Variants in SLC17A1 observed in about 807,000 individuals in gnomAD.
The protein encoded by SLC17A1 is solute carrier family 17 member 1, also known as sodium-dependent phosphate transport protein 1.
A neutral mutation model predicts 53.5 loss-of-function variants in SLC17A1; 51 were observed. That is an observed-to-expected ratio of 0.95 (90% CI 0.76 to 1.20). The LOEUF (loss-of-function observed/expected upper bound fraction) is 1.20, where lower values mean the gene tolerates loss of function less well. SLC17A1 is among the 50% of genes most tolerant of loss of function. The pLI, the probability that SLC17A1 is intolerant of heterozygous loss-of-function variation, is 0.00. For synonymous variants in SLC17A1, 179 were observed against 198.8 expected (o/e 0.90, Z 0.84); for missense variants, 538 against 568.2 (o/e 0.95, Z 0.54).
chr6:25,784,756 T>C (rs556324840), intron 12 of SLC17A1, among the ~76,000 whole-genome samples: 1 of 152,180 alleles, frequency 6.6e-6, no homozygotes, highest in Admixed American at 6.5e-5. Flanking sequence ...TCTGAAACAG[T>C]TCAGGTTACA....
At chr6:25,763,163 T>C in the SLC17A1 span, among the ~76,000 whole-genome samples, 3,269 of 152,286 alleles carry the variant, frequency 0.021, 78 homozygotes, top group African/African-American at 0.058. Flanking sequence ...TTCTGGTTCC[T>C]TCTATAGTCT....
Position 25,811,788 on chromosome 6 carries a change from T to A in SLC17A1, c.898-18A>T. ...AACCCATTCTGAAGAGGAAACATTATTCTTGGAGTGAGTTTGATGGGTAAA... is the reference window on the plus strand; with the variant it reads ...AACCCATTCTGAAGAGGAAACATTAATCTTGGAGTGAGTTTGATGGGTAAA... On this transcript the variant is annotated intron_variant, in intron 8 of 12. Coordinates refer to ENST00000244527, the MANE Select transcript of SLC17A1 (RefSeq NM_005074.5). The A allele has an allele frequency of 6.2e-7, 1 of 1,613,320 alleles. No homozygotes were observed. The highest frequency in any genetic ancestry group is 1.1e-5 in the South Asian group (1 of 91,062).
intron 12 of SLC17A1, among the ~76,000 whole-genome samples, chr6:25,792,592 C>A (rs891144069): frequency 6.6e-6 from 1 of 152,180 alleles, no homozygotes; most frequent in Admixed American, 6.5e-5. Context: ...GAGCAGGAAC[C>A]TTTGCTATAA....
the SLC17A1 span, chr6:25,761,904 C>G: frequency 7.2e-7 from 1 of 1,393,592 alleles, no homozygotes; most frequent in Non-Finnish European, 1.0e-6. Context: ...CCTGTATTTT[C>G]TTTTGTATTC....
intron 2 of SLC17A1, among the ~76,000 whole-genome samples, chr6:25,830,173 T>A (rs973081311): frequency 6.6e-6 from 1 of 152,204 alleles, no homozygotes; most frequent in Admixed American, 6.5e-5. Context: ...TGTCCAAGAA[T>A]GCAGGGACTC....
the SLC17A1 span, among the ~76,000 whole-genome samples, chr6:25,748,513 G>A: frequency 1.3e-5 from 2 of 152,168 alleles, no homozygotes; most frequent in Admixed American, 1.3e-4. Context: ...CCACACCTGT[G>A]GGTATATCTC....
At chr6:25,791,529 A>T (rs1375899146) in intron 12 of SLC17A1, among the ~76,000 whole-genome samples, 2 of 152,232 alleles carry the variant, frequency 1.3e-5, no homozygotes, top group Admixed American at 6.5e-5. Flanking sequence ...ATTATTTTTT[A>T]AAAAACAATG....
rs1561840272 is a variant in SLC17A1 at position 25,819,527 on chromosome 6, A to G, written c.513T>C (p.Thr171=). The G allele has an allele frequency of 6.2e-7, 1 of 1,613,572 alleles. No homozygotes were observed. The highest frequency in any genetic ancestry group is 1.7e-4 in the Middle Eastern group (1 of 6,056). Reference sequence around the variant, plus strand: ...ATTCTTTACCTGATGTACTCATAGAAGTAAGTCGGCCTCGTTCCAGGGGAG... The same window carrying G: ...ATTCTTTACCTGATGTACTCATAGAGGTAAGTCGGCCTCGTTCCAGGGGAG... ...WAPPLERGRL[T]SMSTSGFLLG... Residue 171 remains threonine (T), a synonymous_variant, in exon 5 of 13, where the codon ACT becomes ACC. Transcript: ENST00000244527.
At chr6:25,769,677 A>G in the SLC17A1 span, among the ~76,000 whole-genome samples, 1 of 152,208 alleles carries the variant, frequency 6.6e-6, no homozygotes, top group Non-Finnish European at 1.5e-5. Context: ...GTTAGAATAA[A>G]TGAAACATTT....
At chr6:25,829,749 A>G (rs1764880127) in intron 2 of SLC17A1, among the ~76,000 whole-genome samples, 1 of 152,196 alleles carries the variant, frequency 6.6e-6, no homozygotes, top group African/African-American at 2.4e-5. Context: ...TAAAATGTGC[A>G]TCTGTAAATA....
At chr6:25,760,444 G>C in the SLC17A1 span, among the ~76,000 whole-genome samples, 1 of 151,982 alleles carries the variant, frequency 6.6e-6, no homozygotes, top group African/African-American at 2.4e-5. Flanking sequence ...ATATGTTTAG[G>C]TGTAAATTTC....
intron 12 of SLC17A1, among the ~76,000 whole-genome samples, chr6:25,783,843 C>G (rs1360896920): frequency 2.0e-5 from 3 of 150,208 alleles, no homozygotes; most frequent in African/African-American, 7.4e-5. Context: ...CTAGTCCTTT[C>G]AAAGAACAAT....
chr6:25,729,190 T>G, the SLC17A1 span, among the ~76,000 whole-genome samples: 2 of 152,354 alleles, frequency 1.3e-5, no homozygotes, highest in Non-Finnish European at 2.9e-5. Flanking sequence ...CAGACCAAAC[T>G]TCATGTAGCT....
At chr6:25,743,481 C>T in the SLC17A1 span, among the ~76,000 whole-genome samples, 1 of 152,178 alleles carries the variant, frequency 6.6e-6, no homozygotes, top group South Asian at 2.1e-4. Flanking sequence ...AATATAGCAC[C>T]TTCTATGTAA....
intron 9 of SLC17A1, 21 bp from the exon 10 acceptor site, chr6:25,811,566 C>T: frequency 6.2e-7 from 1 of 1,613,622 alleles, no homozygotes; most frequent in Non-Finnish European, 8.5e-7. Flanking sequence ...ATTCAGACAA[C>T]ATAGTCAGGT....
the SLC17A1 span, chr6:25,768,404 C>T: frequency 1.0e-6 from 1 of 988,020 alleles, no homozygotes; most frequent in African/African-American, 1.7e-5. Context: ...GGGATATCCC[C>T]AGAGCTCCTA....
At chr6:25,727,398 G>GT in the SLC17A1 span, 38 of 888,066 alleles carry the variant, frequency 4.3e-5, no homozygotes, top group Middle Eastern at 7.1e-4. Context: ...TAACCGTAAG[G>GT]GTTTTTTTTT....
chr6:25,781,264 A>G (rs1317022651), downstream of SLC17A1: 1 of 151,916 alleles, frequency 6.6e-6, no homozygotes, highest in African/African-American at 2.4e-5. Flanking sequence ...AGAGGAAAGA[A>G]AAACAAAAGA....
chr6:25,726,397 A>T, the SLC17A1 span: 1 of 1,614,158 alleles, frequency 6.2e-7, no homozygotes, highest in Non-Finnish European at 8.5e-7. Context: ...GCCTGCCCCT[A>T]TCCGCTCTGC....
Sources: allele counts gnomAD v4.1 joint callset (sites outside exome capture counted in the v4.1 genomes callset), GRCh38; gene constraint gnomAD v4.1.1; transcripts MANE v1.5; gene names NCBI Gene and HGNC (gene_info 2026-07-23, HGNC 2026-07-21).